The following GAB2 variants were observed in gnomAD, a reference collection of about 807,000 sequenced individuals.
The protein encoded by GAB2 is GRB2 associated binding protein 2, also known as GRB2-associated-binding protein 2.
Under a neutral mutation model 65.5 loss-of-function variants are expected in GAB2, and 26 were observed. The ratio of observed to expected loss-of-function variants is 0.40; its 90% confidence interval spans 0.29 to 0.55. GAB2 has a LOEUF of 0.55. GAB2 is among the 20% of genes least tolerant of loss of function. The pLI is 0.53. For synonymous variants in GAB2, 321 were observed against 329.6 expected (o/e 0.97, Z 0.28); for missense variants, 884 against 875.8 (o/e 1.01, Z -0.12).
rs201993199 is a variant in GAB2 at position 78,338,929 on chromosome 11, A to AT, written c.76-58029dup. On this transcript the variant is annotated intron_variant, in intron 1 of 9. Coordinates refer to ENST00000361507, the MANE Select transcript of GAB2 (RefSeq NM_080491.3). ...CTCCTGATTCCCTGTACACCCCCAC[A>AT]TTTTTTTTTTTGAGACAGAATCTCA... 7.5e-3 allele frequency among the ~76,000 whole-genome samples: 1,094 copies of AT among 146,208 alleles called. 15 individuals are homozygous for AT. Among genetic ancestry groups the AT allele is most frequent in the East Asian group, 0.037 (186 of 5,062 alleles).
intron 1 of GAB2, among the ~76,000 whole-genome samples, chr11:78,355,614 C>T (rs1333666141): frequency 2.2e-5 from 3 of 137,792 alleles, no homozygotes; most frequent in Non-Finnish European, 3.0e-5. Flanking sequence ...GAGTCCGAGG[C>T]TATAGTGAGC....
chr11:78,394,427 C>A (rs1856869673), intron 1 of GAB2, among the ~76,000 whole-genome samples: 1 of 152,178 alleles, frequency 6.6e-6, no homozygotes, highest in African/African-American at 2.4e-5. Flanking sequence ...ATTCCCTGAC[C>A]TACTATAATG....
At chr11:78,222,745 G>C (rs1384400572) in intron 6 of GAB2, among the ~76,000 whole-genome samples, 4 of 151,960 alleles carry the variant, frequency 2.6e-5, no homozygotes, top group Non-Finnish European at 5.9e-5. Flanking sequence ...ACCACGCTTA[G>C]CTAATTTTTA....
At chr11:78,349,225 C>T (rs970641295) in intron 1 of GAB2, among the ~76,000 whole-genome samples, 4 of 152,204 alleles carry the variant, frequency 2.6e-5, no homozygotes, top group South Asian at 2.1e-4. Flanking sequence ...GCCACTCCTG[C>T]TGCCACTGGA....
At chr11:78,309,971 T>TGTGTGTGTGTGTGTGTGTGCGCGC (rs1421836447) in intron 1 of GAB2, among the ~76,000 whole-genome samples, 39 of 120,176 alleles carry the variant, frequency 3.2e-4, no homozygotes, top group African/African-American at 1.4e-3. Flanking sequence ...TGTGTGTGTG[T>TGTGTGTGTGTGTGTGTGTGCGCGC]GCGCGCGCGC....
intron 1 of GAB2, among the ~76,000 whole-genome samples, chr11:78,370,184 G>A (rs1242695779): frequency 1.3e-5 from 2 of 150,064 alleles, no homozygotes. Context: ...GTGAACCCGG[G>A]AGGCGGAGCT....
intron 2 of GAB2, among the ~76,000 whole-genome samples, chr11:78,274,778 CT>C (rs1468467222): frequency 6.6e-6 from 1 of 152,156 alleles, no homozygotes; most frequent in Non-Finnish European, 1.5e-5. Context: ...ATAGGGACCC[CT>C]GGGGGTGCTT....
rs1457251772 is a variant in GAB2 at position 78,410,062 on chromosome 11, AT to A, written c.75+7583del. 5.3e-5 allele frequency among the ~76,000 whole-genome samples: 8 copies of A among 152,026 alleles called. No individual in the cohort carries two copies. In the East Asian group the frequency reaches 1.5e-3, roughly 29 times the overall value. On this transcript the variant is annotated intron_variant, in intron 1 of 9. Coordinates refer to ENST00000361507, the MANE Select transcript of GAB2 (RefSeq NM_080491.3). ...GAAAGTCTCAAGGAAAGTAAAAAAAATATATATATACTGAGCAAATAAAAAT... is the reference window on the plus strand; with the variant it reads ...GAAAGTCTCAAGGAAAGTAAAAAAAAATATATATACTGAGCAAATAAAAAT...
chr11:78,330,828 T>C (rs1855901900), intron 1 of GAB2, among the ~76,000 whole-genome samples: 1 of 152,118 alleles, frequency 6.6e-6, no homozygotes, highest in African/African-American at 2.4e-5. Context: ...GAACACCCTA[T>C]GAAGTAGAAA....
chr11:78,285,245 G>A (rs1004422646), intron 1 of GAB2, among the ~76,000 whole-genome samples: 7 of 152,130 alleles, frequency 4.6e-5, no homozygotes, highest in Non-Finnish European at 1.0e-4. Flanking sequence ...CAAATCTCTG[G>A]TATGCAGGTG....
rs1404336456 is a variant in GAB2 at position 78,291,555 on chromosome 11, CTTTTTCT to C, written c.76-10661_76-10655del. Among the ~76,000 whole-genome samples the C allele has an allele frequency of 9.4e-3, 518 of 54,856 alleles. 39 individuals carry two copies. Among genetic ancestry groups the C allele is most frequent in the African/African-American group, 0.03 (462 of 15,490 alleles). The allele number at this position is 54,856 out of a possible 152,430, so 36.0% of individuals were successfully genotyped here. ...CCTATCTTGAGAGACTTACTTTTTT[CTTTTTCT>C]TTTTTTTTTTTTTTTTTTTTTTTTT... On this transcript the variant is annotated intron_variant, in intron 1 of 9. Coordinates refer to ENST00000361507, the MANE Select transcript of GAB2 (RefSeq NM_080491.3).
At chr11:78,347,851 A>G (rs866262911) in intron 1 of GAB2, among the ~76,000 whole-genome samples, 14 of 152,224 alleles carry the variant, frequency 9.2e-5, no homozygotes, top group African/African-American at 3.1e-4. Context: ...CATACAGTTG[A>G]ACCTTGAACA....
At chr11:78,304,407 C>T (rs1855304758) in intron 1 of GAB2, among the ~76,000 whole-genome samples, 1 of 152,132 alleles carries the variant, frequency 6.6e-6, no homozygotes, top group Non-Finnish European at 1.5e-5. Flanking sequence ...CTCCTATTAA[C>T]CTTTTAATGG....
At chr11:78,328,962 G>A (rs193144655) in intron 1 of GAB2, among the ~76,000 whole-genome samples, 17 of 152,264 alleles carry the variant, frequency 1.1e-4, no homozygotes, top group African/African-American at 4.1e-4. Context: ...TGGAACTCTA[G>A]GGAATGATAT....
At position 78,309,971 on chromosome 11, in the gene GAB2, T is replaced by TGTGTGTGTGTGTGTGTGTGTGTGCGC. The variant is rs1421836447; in HGVS notation, c.76-29071_76-29070insGCGCACACACACACACACACACACAC. Reference sequence around the variant, plus strand: ...GTGTGTGTGTGTGTGTGTGTGTGTGTGCGCGCGCGCCTGTGTGTGTGGTGG... The same window carrying TGTGTGTGTGTGTGTGTGTGTGTGCGC: ...GTGTGTGTGTGTGTGTGTGTGTGTGTGTGTGTGTGTGTGTGTGTGTGTGCGCGCGCGCGCGCCTGTGTGTGTGGTGG... On this transcript the variant is annotated intron_variant, in intron 1 of 9. Coordinates refer to ENST00000361507, the MANE Select transcript of GAB2 (RefSeq NM_080491.3). Among the ~76,000 whole-genome samples the TGTGTGTGTGTGTGTGTGTGTGTGCGC allele has an allele frequency of 1.5e-3, 182 of 120,134 alleles. 2 individuals are homozygous for TGTGTGTGTGTGTGTGTGTGTGTGCGC. Among genetic ancestry groups the TGTGTGTGTGTGTGTGTGTGTGTGCGC allele is most frequent in the African/African-American group, 6.3e-3 (178 of 28,040 alleles). 78.8% of individuals were successfully genotyped at this position (120,134 alleles called of 152,430 possible).
At chr11:78,282,447 T>C (rs1218985665) in intron 1 of GAB2, among the ~76,000 whole-genome samples, 1 of 152,058 alleles carries the variant, frequency 6.6e-6, no homozygotes, top group East Asian at 1.9e-4. Context: ...TAGCTGGGAT[T>C]ACAGATGCCC....
chr11:78,416,294 G>A (rs1012333030), intron 1 of GAB2, among the ~76,000 whole-genome samples: 1 of 152,002 alleles, frequency 6.6e-6, no homozygotes, highest in Non-Finnish European at 1.5e-5. Context: ...TTTTCCCCCA[G>A]CAAACATCTA....
At chr11:78,301,950 TA>T (rs1177292133) in intron 1 of GAB2, among the ~76,000 whole-genome samples, 3 of 152,200 alleles carry the variant, frequency 2.0e-5, no homozygotes, top group Non-Finnish European at 4.4e-5. Context: ...AAGGACACCC[TA>T]TTCAACAAAC....
At chr11:78,286,647 C>A (rs1301347592) in intron 1 of GAB2, among the ~76,000 whole-genome samples, 1 of 151,690 alleles carries the variant, frequency 6.6e-6, no homozygotes, top group East Asian at 1.9e-4. Context: ...CGTAAGCTTT[C>A]ACAGTAGGAA....
Sources: allele counts gnomAD v4.1 joint callset (sites outside exome capture counted in the v4.1 genomes callset), GRCh38; gene constraint gnomAD v4.1.1; transcripts MANE v1.5; gene names NCBI Gene and HGNC (gene_info 2026-07-23, HGNC 2026-07-21).